The following CFAP141 variants were observed in gnomAD, a reference collection of about 807,000 sequenced individuals.
The protein encoded by CFAP141 is cilia and flagella associated protein 141.
At chr1:154,205,790 C>T in the CFAP141 span, 3 of 660,924 alleles carry the variant, frequency 4.5e-6, no homozygotes, top group East Asian at 2.8e-5. Context: ...CCGCAATCTC[C>T]GCCTCCCGGG....
chr1:154,202,295 C>T, the CFAP141 span, among the ~76,000 whole-genome samples: 7 of 151,364 alleles, frequency 4.6e-5, no homozygotes, highest in Non-Finnish European at 8.8e-5. Flanking sequence ...AGGCTGGTCT[C>T]GAACTCCAGA....
At chr1:154,206,204 T>C in the CFAP141 span, 5 of 1,401,368 alleles carry the variant, frequency 3.6e-6, no homozygotes, top group Non-Finnish European at 5.1e-6. Context: ...CAGTAAAAGA[T>C]GCACTTATAG....
At chr1:154,204,790 G>C in the CFAP141 span, among the ~76,000 whole-genome samples, 8 of 151,924 alleles carry the variant, frequency 5.3e-5, no homozygotes. Flanking sequence ...TCGAGCTCCT[G>C]GGCTCAAGCA....
the CFAP141 span, among the ~76,000 whole-genome samples, chr1:154,201,915 C>T: frequency 5.3e-5 from 8 of 151,544 alleles, no homozygotes; most frequent in South Asian, 1.7e-3. Context: ...GGATTACAGG[C>T]GCCCACCACC....
At chr1:154,206,219 T>C in the CFAP141 span, 2 of 1,528,706 alleles carry the variant, frequency 1.3e-6, no homozygotes, top group African/African-American at 2.7e-5. Context: ...TTATAGTAAA[T>C]TGATCTGGAA....
the CFAP141 span, among the ~76,000 whole-genome samples, chr1:154,203,552 CTAAA>C: frequency 4.6e-5 from 7 of 152,014 alleles, no homozygotes; most frequent in Non-Finnish European, 1.5e-5. Flanking sequence ...CCTCAGCTGT[CTAAA>C]TAGCCAGGAC....
chr1:154,202,403 G>T, the CFAP141 span, among the ~76,000 whole-genome samples: 4 of 152,182 alleles, frequency 2.6e-5, no homozygotes, highest in South Asian at 6.2e-4. Flanking sequence ...TATATAGAAA[G>T]AATATAAATA....
the CFAP141 span, among the ~76,000 whole-genome samples, chr1:154,200,162 AC>A: frequency 1.3e-5 from 2 of 152,232 alleles, no homozygotes; most frequent in Non-Finnish European, 2.9e-5. Context: ...GGCCTGAGCC[AC>A]CACACCCGAT....
the CFAP141 span, among the ~76,000 whole-genome samples, chr1:154,206,023 G>A: frequency 1.3e-5 from 2 of 152,070 alleles, no homozygotes; most frequent in Non-Finnish European, 2.9e-5. Context: ...TTTTGAGAAA[G>A]CAATTTCCTG....
At chr1:154,205,943 T>C in the CFAP141 span, among the ~76,000 whole-genome samples, 2 of 152,090 alleles carry the variant, frequency 1.3e-5, no homozygotes, top group Non-Finnish European at 2.9e-5. Flanking sequence ...CCTCAGGTGA[T>C]CCGCCCACCT....
At chr1:154,205,982 C>T in the CFAP141 span, among the ~76,000 whole-genome samples, 7 of 152,078 alleles carry the variant, frequency 4.6e-5, no homozygotes, top group Admixed American at 1.3e-4. Flanking sequence ...GGATTACAGG[C>T]GTGAGTCACC....
the CFAP141 span, chr1:154,205,557 G>T: frequency 6.3e-7 from 1 of 1,593,398 alleles, no homozygotes. Context: ...GAGTGGAAAG[G>T]TCAAGCTCAA....
At chr1:154,202,118 G>T in the CFAP141 span, among the ~76,000 whole-genome samples, 3 of 151,818 alleles carry the variant, frequency 2.0e-5, no homozygotes, top group Non-Finnish European at 4.4e-5. Context: ...CATATTTTTA[G>T]TAGAGACAGA....
chr1:154,200,528 C>A, the CFAP141 span: 3 of 1,614,126 alleles, frequency 1.9e-6, no homozygotes, highest in Admixed American at 5.0e-5. Context: ...GGGTGGCATA[C>A]GGGTTTCTTC....
chr1:154,201,921 C>A, the CFAP141 span, among the ~76,000 whole-genome samples: 2 of 151,980 alleles, frequency 1.3e-5, no homozygotes, highest in African/African-American at 4.8e-5. Context: ...CAGGCGCCCA[C>A]CACCACGCCC....
chr1:154,200,567 G>A, the CFAP141 span: 1 of 1,614,156 alleles, frequency 6.2e-7, no homozygotes, highest in East Asian at 2.2e-5. Context: ...GCCACAGACA[G>A]TGAGTATGTG....
chr1:154,202,662 G>A, the CFAP141 span, among the ~76,000 whole-genome samples: 2 of 151,656 alleles, frequency 1.3e-5, no homozygotes, highest in Admixed American at 6.6e-5. Context: ...TTAGCTGGGC[G>A]CAGTGGCGGG....
chr1:154,203,225 A>C, the CFAP141 span, among the ~76,000 whole-genome samples: 1 of 52,150 alleles, frequency 1.9e-5, no homozygotes, highest in Admixed American at 2.3e-4. Context: ...ATATATATAT[A>C]TATATATATA....
the CFAP141 span, among the ~76,000 whole-genome samples, chr1:154,202,139 T>C: frequency 6.6e-6 from 1 of 152,016 alleles, no homozygotes; most frequent in Non-Finnish European, 1.5e-5. Flanking sequence ...GGTTTCACCA[T>C]GTTGGCCAGG....
Sources: gnomAD v4.1 joint callset for allele counts (sites outside exome capture counted in the v4.1 genomes callset) on GRCh38, gnomAD v4.1.1 for gene constraint, MANE v1.5 for transcripts, NCBI Gene and HGNC (gene_info 2026-07-23, HGNC 2026-07-21) for gene names.